Variants in PTPRR observed in about 807,000 individuals in gnomAD.
The protein encoded by PTPRR is receptor-type tyrosine-protein phosphatase R.
A neutral mutation model predicts 77.2 loss-of-function variants in PTPRR; 38 were observed. The observed-to-expected ratio is 0.49, with a 90% CI of 0.38 to 0.65. The LOEUF is 0.65. Ranked by LOEUF, PTPRR falls within the 30% of genes least tolerant of loss-of-function variation. The probability of loss-of-function intolerance (pLI) is 0.00; values close to 1 mark genes in which losing one functional copy is unlikely to be tolerated. For missense variants in PTPRR, 744 were observed against 799.2 expected, an observed-to-expected ratio of 0.93 and a Z score of 0.83; for synonymous variants, 299 against 283.1, an observed-to-expected ratio of 1.06 and a Z score of -0.57.
intron 3 of PTPRR, among the ~76,000 whole-genome samples, chr12:70,762,364 A>C (rs1274123708): frequency 6.6e-6 from 1 of 152,106 alleles, no homozygotes; most frequent in Non-Finnish European, 1.5e-5. Context: ...CACAACTTAC[A>C]CAACACACTA....
At chr12:70,824,107 T>C (rs941597885) in intron 2 of PTPRR, among the ~76,000 whole-genome samples, 3 of 152,188 alleles carry the variant, frequency 2.0e-5, no homozygotes, top group East Asian at 1.9e-4. Flanking sequence ...GACAGACTTA[T>C]TGGGAAACCG....
At chr12:70,659,533 A>G (rs1359711143) in intron 12 of PTPRR, among the ~76,000 whole-genome samples, 1 of 152,118 alleles carries the variant, frequency 6.6e-6, no homozygotes. Context: ...AGTAATCAGA[A>G]GGGGAGCTGG....
At chr12:70,835,783 A>G (rs75517024) in intron 2 of PTPRR, among the ~76,000 whole-genome samples, 2 of 152,138 alleles carry the variant, frequency 1.3e-5, no homozygotes, top group African/African-American at 4.8e-5. Flanking sequence ...TTTTAATAAA[A>G]TAAACATTTC....
chr12:70,763,560 C>T (rs1890742031), intron 3 of PTPRR, among the ~76,000 whole-genome samples: 1 of 152,156 alleles, frequency 6.6e-6, no homozygotes, highest in Non-Finnish European at 1.5e-5. Context: ...AAACAACTCA[C>T]TCTCTACACA....
intron 10 of PTPRR, among the ~76,000 whole-genome samples, chr12:70,677,483 T>C (rs561000090): frequency 6.6e-6 from 1 of 152,336 alleles, no homozygotes; most frequent in African/African-American, 2.4e-5. Flanking sequence ...GATATCCTTA[T>C]CCCAGATCTT....
At chr12:70,766,748 T>A (rs1249594518) in intron 2 of PTPRR, among the ~76,000 whole-genome samples, 2 of 151,876 alleles carry the variant, frequency 1.3e-5, no homozygotes, top group East Asian at 3.9e-4. Flanking sequence ...GAAAAAATGT[T>A]AAGGGCAGCC....
chr12:70,859,915 A>G (rs1156755193), intron 2 of PTPRR, among the ~76,000 whole-genome samples: 1 of 152,058 alleles, frequency 6.6e-6, no homozygotes, highest in African/African-American at 2.4e-5. Context: ...CTCAACTCAT[A>G]GCTTATTTTT....
intron 2 of PTPRR, among the ~76,000 whole-genome samples, chr12:70,835,190 C>A (rs1404906472): frequency 6.6e-6 from 1 of 152,014 alleles, no homozygotes; most frequent in East Asian, 1.9e-4. Context: ...TTCTGCCTAC[C>A]TTTTGAGATT....
rs544093028 is a variant in PTPRR, at chr12:70,767,730, C to T, written c.358-2952G>A. Among the ~76,000 whole-genome samples, 13 of 152,258 alleles carry T rather than the reference C, an allele frequency of 8.5e-5. No individual in the cohort carries two copies. In the East Asian group the frequency reaches 2.3e-3, roughly 27 times the overall value. On this transcript the variant is annotated intron_variant, in intron 2 of 13. Coordinates refer to ENST00000283228, the MANE Select transcript of PTPRR (RefSeq NM_002849.4). ...AATATACATTTTTTTCAGCACCACA[C>T]CACACCTGTTCCAAAATTGACCACA...
rs1890206057 is a variant in PTPRR, at chr12:70,746,048, T to C, written c.777A>G (p.Leu259=). ...CCTGGTTTTTCTCTTTGTCTTGTCTTAAGGAAAGCTGAAATCTTTCTTTTA... is the reference window on the plus strand; with the variant it reads ...CCTGGTTTTTCTCTTTGTCTTGTCTCAAGGAAAGCTGAAATCTTTCTTTTA... The part of the protein sequence containing the change: ...YRLKERFQLS[L]RQDKEKNQEI... The change falls in exon 6 of 14, where the codon TTA becomes TTG. Residue 259 remains leucine (L), a synonymous_variant. Transcript: ENST00000283228. 1 of 1,613,054 alleles carries C rather than the reference T, an allele frequency of 6.2e-7. No individual in the cohort carries two copies. Among genetic ancestry groups the C allele is most frequent in the African/African-American group, 1.3e-5 (1 of 74,880 alleles).
At chr12:70,691,111 T>C (rs1055436857) in intron 8 of PTPRR, among the ~76,000 whole-genome samples, 2 of 152,162 alleles carry the variant, frequency 1.3e-5, no homozygotes, top group Non-Finnish European at 2.9e-5. Context: ...AAGAGTTTAT[T>C]ATACACACAC....
rs570273880 is a variant in PTPRR, at chr12:70,705,974, T to C, written c.1008-4651A>G. 9.9e-5 allele frequency among the ~76,000 whole-genome samples: 15 copies of C among 152,118 alleles called. No homozygotes were observed. The South Asian group carries it at 3.1e-3, about 32-fold the overall frequency. On this transcript the variant is annotated intron_variant, in intron 6 of 13. Transcript: ENST00000283228. ...CTCTCACCCACAACTTATTTAATTT[T>C]GCACATACAATTTTTCTACATAGTT... is the stretch of plus-strand genomic sequence containing the variant.
At chr12:70,688,582 C>T (rs1242132022) in intron 8 of PTPRR, among the ~76,000 whole-genome samples, 2 of 152,106 alleles carry the variant, frequency 1.3e-5, no homozygotes, top group Non-Finnish European at 2.9e-5. Context: ...CTCTGGTAGG[C>T]TGTTGGTGAG....
intron 2 of PTPRR, among the ~76,000 whole-genome samples, chr12:70,862,939 C>T (rs1435337694): frequency 2.6e-5 from 4 of 151,992 alleles, no homozygotes; most frequent in Non-Finnish European, 4.4e-5. Context: ...TAAAGCATGT[C>T]CAAGTTTACC....
At chr12:70,759,552 G>C (rs1037784395) in intron 4 of PTPRR, among the ~76,000 whole-genome samples, 5 of 151,610 alleles carry the variant, frequency 3.3e-5, no homozygotes, top group African/African-American at 4.8e-5. Context: ...GTGGTGGCAG[G>C]CGCCTGTAGT....
intron 12 of PTPRR, among the ~76,000 whole-genome samples, chr12:70,657,659 G>C (rs536306416): frequency 6.6e-6 from 1 of 152,096 alleles, no homozygotes; most frequent in African/African-American, 2.4e-5. Context: ...TCAGTTCAAT[G>C]TATCTAAATT....
chr12:70,868,945 A>G (rs867325966), intron 2 of PTPRR, among the ~76,000 whole-genome samples: 33 of 149,576 alleles, frequency 2.2e-4, no homozygotes, highest in Middle Eastern at 3.5e-3. Flanking sequence ...CAAAAAACCA[A>G]ACACCGCATG....
At chr12:70,763,290 G>A (rs28507175) in intron 3 of PTPRR, among the ~76,000 whole-genome samples, 19,988 of 151,718 alleles carry the variant, frequency 0.13, 1,310 homozygotes, top group African/African-American at 0.14. Context: ...CACCATGCCC[G>A]GCCAATTTTT....
At chr12:70,780,540 TTTAGTG>T (rs1322903714) in intron 2 of PTPRR, among the ~76,000 whole-genome samples, 2 of 152,070 alleles carry the variant, frequency 1.3e-5, no homozygotes, top group Non-Finnish European at 2.9e-5. Flanking sequence ...TTGTGGTATT[TTTAGTG>T]TTAGTTTTTT....
Sources: gnomAD v4.1 joint callset for allele counts (sites outside exome capture counted in the v4.1 genomes callset) on GRCh38, gnomAD v4.1.1 for gene constraint, MANE v1.5 for transcripts, NCBI Gene and HGNC (gene_info 2026-07-23, HGNC 2026-07-21) for gene names.